DNAJA3: variants seen among roughly 807,000 people sequenced by gnomAD.
DNAJA3 encodes dnaJ homolog subfamily A member 3, mitochondrial.
A neutral mutation model predicts 54.9 loss-of-function variants in DNAJA3; 29 were observed. The ratio of observed to expected loss-of-function variants is 0.53; its 90% CI spans 0.39 to 0.72. DNAJA3 has a LOEUF of 0.72. DNAJA3 is among the 30% of genes least tolerant of loss of function. DNAJA3 has a pLI of 0.00. For synonymous variants in DNAJA3, 302 were observed against 251.4 expected, an observed-to-expected ratio of 1.20 and a Z score of -1.90; for missense variants, 708 against 639.4, an observed-to-expected ratio of 1.11 and a Z score of -1.16.
intron 10 of DNAJA3, among the ~76,000 whole-genome samples, chr16:4,453,393 G>C (rs2056998912): frequency 6.6e-6 from 1 of 151,886 alleles, no homozygotes; most frequent in Admixed American, 6.6e-5. Flanking sequence ...ATTACTATGT[G>C]ACTTTTTGAG....
At position 4,441,357 on chromosome 16, in the gene DNAJA3, C is replaced by T; in HGVS notation, c.430-18C>T. On this transcript the variant is annotated intron_variant, in intron 3 of 11. Transcript: ENST00000262375. ...TTGGTAGACCTGGGATGCCCAGTGGCTCTGCCTTTCACTGTAGGTTTTGAG... is the reference window on the plus strand; with the variant it reads ...TTGGTAGACCTGGGATGCCCAGTGGTTCTGCCTTTCACTGTAGGTTTTGAG... The T allele has an allele frequency of 1.2e-6, 2 of 1,602,816 alleles. No individual in the cohort carries two copies. The highest frequency in any genetic ancestry group is 2.1e-4 in the Middle Eastern group (1 of 4,842).
rs768491254 is a variant in DNAJA3 at position 4,447,002 on chromosome 16, G to A, written c.1113G>A (p.Thr371=). The A allele has an allele frequency of 1.3e-5, 21 of 1,613,442 alleles. No individual in the cohort carries two copies. The highest frequency in any genetic ancestry group is 2.2e-5 in the East Asian group (1 of 44,882). The change falls in exon 8 of 12, where the codon ACG becomes ACA. Residue 371 remains threonine (T), a synonymous_variant. Transcript: ENST00000262375. Reference sequence around the variant, plus strand: ...CCAGAGCCCAGGGCCTGTACGAGACGATCAACGTGACGGTAAGAGGGTGTG... The same window carrying A: ...CCAGAGCCCAGGGCCTGTACGAGACAATCAACGTGACGGTAAGAGGGTGTG... ...GTARAQGLYE[T]INVTIPPGTQ...
At chr16:4,430,419 C>T (rs1049733846) in intron 1 of DNAJA3, 9 of 151,430 alleles carry the variant, frequency 5.9e-5, no homozygotes, top group African/African-American at 2.2e-4. Context: ...AAAAGTTGGT[C>T]AGGCGTGGTG....
rs2056614632 is a variant in DNAJA3, at chr16:4,425,917, GGTT to G, written c.39_41del (p.Val14del). ...GGTGCTCCACACGCTGGTTGCTGGT[GGTT>G]GTGGGGACCCCGCGGCTGCCGGCTA... On this transcript the variant is annotated inframe_deletion, in exon 1 of 12. Coordinates refer to ENST00000262375, the MANE Select transcript of DNAJA3 (RefSeq NM_005147.6). 6.5e-7 allele frequency: 1 copy of G among 1,548,298 alleles called. No individual in the cohort carries two copies. Among genetic ancestry groups the G allele is most frequent in the African/African-American group, 1.4e-5 (1 of 72,642 alleles).
At chr16:4,445,371 G>T (rs553357498) in intron 7 of DNAJA3, among the ~76,000 whole-genome samples, 1 of 152,214 alleles carries the variant, frequency 6.6e-6, no homozygotes, top group Non-Finnish European at 1.5e-5. Flanking sequence ...CTTGCCAGTG[G>T]CTGTAGGGCC....
At chr16:4,431,519 C>T (rs908748429) in intron 1 of DNAJA3, 3 of 152,204 alleles carry the variant, frequency 2.0e-5, no homozygotes, top group Non-Finnish European at 2.9e-5. Flanking sequence ...GCTCAACCAA[C>T]CTCTGGTTGT....
At chr16:4,449,194 C>T (rs976767671) in intron 9 of DNAJA3, among the ~76,000 whole-genome samples, 2 of 151,596 alleles carry the variant, frequency 1.3e-5, no homozygotes, top group Admixed American at 1.3e-4. Flanking sequence ...GATGGGGTTT[C>T]ACCGTGTTAG....
chr16:4,444,841 T>C, intron 7 of DNAJA3, 113 bp downstream of exon 7: 1 of 1,001,292 alleles, frequency 1.0e-6, no homozygotes, highest in South Asian at 1.5e-5. Flanking sequence ...TCGCCATTCA[T>C]GTTTCTGAGG....
intron 1 of DNAJA3, among the ~76,000 whole-genome samples, chr16:4,432,212 A>G (rs1166817680): frequency 6.6e-6 from 1 of 150,480 alleles, no homozygotes; most frequent in Non-Finnish European, 1.5e-5. Context: ...TTTAATAGAG[A>G]CAGGGTCTCT....
chr16:4,429,918 G>A (rs911285846), intron 1 of DNAJA3, among the ~76,000 whole-genome samples: 15 of 151,816 alleles, frequency 9.9e-5, no homozygotes, highest in African/African-American at 3.6e-4. Flanking sequence ...TTTCACTTGA[G>A]CCCAGAAGGT....
Position 4,439,678 on chromosome 16 carries a change from G to A in DNAJA3, c.430-1697G>A, listed in dbSNP as rs570019672. On this transcript the variant is annotated intron_variant, in intron 3 of 11. Transcript: ENST00000262375. Reference sequence around the variant, plus strand: ...GTCTTCAAGGGGGATGTTATTAAACGGACCGAGCCTCAGAACCTAAGAGCA... The same window carrying A: ...GTCTTCAAGGGGGATGTTATTAAACAGACCGAGCCTCAGAACCTAAGAGCA... Among the ~76,000 whole-genome samples, 17 of 152,254 alleles carry A rather than the reference G, an allele frequency of 1.1e-4. No homozygotes were observed. The East Asian group carries it at 1.7e-3, about 16-fold the overall frequency.
intron 1 of DNAJA3, among the ~76,000 whole-genome samples, chr16:4,430,230 A>G (rs2056679630): frequency 6.6e-6 from 1 of 152,008 alleles, no homozygotes. Context: ...GTAAGATGAC[A>G]TAACAACATT....
chr16:4,445,528 C>G (rs2056892424), intron 7 of DNAJA3, among the ~76,000 whole-genome samples: 1 of 152,106 alleles, frequency 6.6e-6, no homozygotes, highest in African/African-American at 2.4e-5. Context: ...GCAAGACTCA[C>G]CGGTGTTTAT....
rs770247411 is a variant in DNAJA3, at chr16:4,434,513, A to T, written c.341A>T (p.Tyr114Phe). Residue 114 changes from tyrosine to phenylalanine, a missense_variant, in exon 2 of 12, where the codon TAT becomes TTT. Physicochemically the swap from Tyr to Phe is conservative, Grantham distance 22. Coordinates refer to ENST00000262375, the MANE Select transcript of DNAJA3 (RefSeq NM_005147.6). ...CAGAAAGAGATCAAGAAAGCCTATT[A>T]TCAGGTCTGTATGGAAGTCAGGTTT... ...ASQKEIKKAY[Y>F]QLAKKYHPDT... 5.0e-6 allele frequency: 8 copies of T among 1,611,292 alleles called. No homozygotes were observed. In the South Asian group the frequency reaches 5.5e-5, roughly 11 times the overall value.
intron 1 of DNAJA3, among the ~76,000 whole-genome samples, chr16:4,426,376 C>T (rs548688149): frequency 5.3e-5 from 8 of 152,356 alleles, no homozygotes; most frequent in South Asian, 2.1e-4. Context: ...GCTGCTCCCT[C>T]GTCCTCTTCC....
At position 4,439,633 on chromosome 16, in the gene DNAJA3, C is replaced by A. The variant is rs1392947159; in HGVS notation, c.430-1742C>A. On this transcript the variant is annotated intron_variant, in intron 3 of 11. Transcript: ENST00000262375. Reference sequence around the variant, plus strand: ...GGCATGAGTTTTGGAGAGTCCTAATCCACCGTGTTGCTGACTTCTGTCTTC... The same window carrying A: ...GGCATGAGTTTTGGAGAGTCCTAATACACCGTGTTGCTGACTTCTGTCTTC... Among the ~76,000 whole-genome samples the A allele has an allele frequency of 2.0e-5, 3 of 152,310 alleles. No homozygotes were observed. The East Asian group carries it at 5.8e-4, about 29-fold the overall frequency.
intron 10 of DNAJA3, among the ~76,000 whole-genome samples, chr16:4,451,143 A>G (rs146605897): frequency 1.9e-3 from 285 of 152,108 alleles, no homozygotes; most frequent in Non-Finnish European, 3.5e-3. Context: ...CCCTCTTCCC[A>G]TGGGGTCTGG....
At chr16:4,448,967 A>T (rs1320786318) in intron 9 of DNAJA3, 119 bp downstream of exon 9, 3 of 698,512 alleles carry the variant, frequency 4.3e-6, no homozygotes, top group Non-Finnish European at 7.5e-6. Context: ...TGCCCGAGTT[A>T]TCTGTCTGTA....
Position 4,455,880 on chromosome 16 carries a change from G to A in DNAJA3, c.*348G>A, listed in dbSNP as rs1410653973. ...GAATATTGTGGATATCTTAGTTAAA[G>A]GCCATGCTTACAGCTTAGAAATGAA... On this transcript the variant is annotated 3_prime_UTR_variant, in exon 12 of 12. Coordinates refer to ENST00000262375, the MANE Select transcript of DNAJA3 (RefSeq NM_005147.6). 1 of 498,208 alleles carries A rather than the reference G, an allele frequency of 2.0e-6. No homozygotes were observed. Among genetic ancestry groups the A allele is most frequent in the Non-Finnish European group, 3.6e-6 (1 of 277,164 alleles). 30.9% of individuals were successfully genotyped at this position (498,208 alleles called of 1,614,324 possible). A position where few individuals can be genotyped will look rare whatever the true frequency, so the allele number is the denominator to read the frequency against.
Sources: allele counts gnomAD v4.1 joint callset (sites outside exome capture counted in the v4.1 genomes callset), GRCh38; gene constraint gnomAD v4.1.1; transcripts MANE v1.5; gene names NCBI Gene and HGNC (gene_info 2026-07-23, HGNC 2026-07-21).